The following LRRK1 variants were observed in gnomAD, a reference collection of about 807,000 sequenced individuals.
LRRK1 encodes leucine rich repeat kinase 1, also known as leucine-rich repeat serine/threonine-protein kinase 1.
Under a neutral mutation model 209.1 loss-of-function variants are expected in LRRK1, and 113 were observed. The observed-to-expected ratio is 0.54, with a 90% CI of 0.46 to 0.63. The LOEUF (loss-of-function observed/expected upper bound fraction) is 0.63. Ranked by LOEUF, LRRK1 falls within the 30% of genes least tolerant of loss-of-function variation. The probability of loss-of-function intolerance (pLI) is 0.00; values close to 1 mark genes in which losing one functional copy is unlikely to be tolerated. For synonymous variants in LRRK1, 1,144 were observed against 1,099.7 expected (o/e 1.04, Z -0.80); for missense variants, 2,284 against 2,632.2 (o/e 0.87, Z 2.89).
chr15:101,055,698 C>G (rs752231963), intron 27 of LRRK1, among the ~76,000 whole-genome samples: 1 of 152,192 alleles, frequency 6.6e-6, no homozygotes, highest in Non-Finnish European at 1.5e-5. Flanking sequence ...AAAGAGCAAG[C>G]TGGCATCCCC....
rs547717700 is a variant in LRRK1 at position 101,011,754 on chromosome 15, C to T, written c.1282-254C>T. On this transcript the variant is annotated intron_variant, in intron 9 of 33. Transcript: ENST00000388948. The stretch of plus-strand genomic sequence containing the variant: ...TTCCATTATTTCCAAGGACAATGGG[C>T]CGGATGTTCTGGAATGAAGGAAAAA... Among the ~76,000 whole-genome samples, 4 of 152,154 alleles carry T rather than the reference C, an allele frequency of 2.6e-5. No individual in the cohort carries two copies. In the South Asian group the frequency reaches 6.2e-4, roughly 24 times the overall value.
chr15:100,952,258 CTG>C (rs1298926846), intron 2 of LRRK1, among the ~76,000 whole-genome samples: 1 of 152,162 alleles, frequency 6.6e-6, no homozygotes, highest in Non-Finnish European at 1.5e-5. Flanking sequence ...TTACACAACT[CTG>C]TGAATATATT....
chr15:100,941,683 A>G (rs893328083), intron 2 of LRRK1, among the ~76,000 whole-genome samples: 3 of 152,190 alleles, frequency 2.0e-5, no homozygotes, highest in African/African-American at 7.2e-5. Flanking sequence ...ATTTGTCACA[A>G]TAGCCTGCGA....
chr15:100,956,275 GTA>G (rs2042753900), intron 2 of LRRK1, among the ~76,000 whole-genome samples: 2 of 151,724 alleles, frequency 1.3e-5, no homozygotes, highest in South Asian at 4.2e-4. Context: ...ATTTGTTTGT[GTA>G]TAATTGTTAT....
chr15:100,995,315 G>A (rs1201721337), intron 6 of LRRK1, among the ~76,000 whole-genome samples: 3 of 152,194 alleles, frequency 2.0e-5, no homozygotes, highest in Admixed American at 6.5e-5. Context: ...AGCATAGCCC[G>A]AATCCACCTC....
chr15:100,934,626 CAAAAAAAAAAAA>C (rs71151991), intron 2 of LRRK1, among the ~76,000 whole-genome samples: 7 of 72,384 alleles, frequency 9.7e-5, no homozygotes, highest in Non-Finnish European at 1.3e-4. Context: ...CCCATCTCTA[CAAAAAAAAAAAA>C]AAAAAAAAAA....
rs756106799 is a variant in LRRK1, at chr15:101,066,709, C to G, written c.5838C>G (p.Ala1946=). 1 of 1,614,180 alleles carries G rather than the reference C, an allele frequency of 6.2e-7. No homozygotes were observed. Among genetic ancestry groups the G allele is most frequent in the Non-Finnish European group, 8.5e-7 (1 of 1,180,010 alleles). ...GCGCCCAGCGGGGCCGAGTCATTGC[C>G]GTCTTAAAAGCCCGAGAGCTGACTC... is the stretch of plus-strand genomic sequence containing the variant. ...DSGAQRGRVI[A]VLKARELTPH... The change falls in exon 33 of 34, where the codon GCC becomes GCG. Residue 1946 remains alanine (A), a synonymous_variant. Transcript: ENST00000388948.
Position 101,004,223 on chromosome 15 carries a change from G to A in LRRK1, c.763-4614G>A, listed in dbSNP as rs1453805449. Among the ~76,000 whole-genome samples, 7 of 152,312 alleles carry A rather than the reference G, an allele frequency of 4.6e-5. No individual in the cohort carries two copies. The East Asian group carries it at 5.8e-4, about 13-fold the overall frequency. On this transcript the variant is annotated intron_variant, in intron 6 of 33. Transcript: ENST00000388948. ...ATAGATCAGAGGCTGCTCTGGGTGG[G>A]CAGGGAGAAGCTATGAAAGAGGCAG... is the stretch of plus-strand genomic sequence containing the variant.
Position 100,919,845 on chromosome 15 carries a change from G to A in LRRK1, c.-123+394G>A, listed in dbSNP as rs1185126402. Reference sequence around the variant, plus strand: ...GCCGGGGAGCCCATAGGTTTCCTCTGCCTTTGGAGCGAACCCAGTCCCTTA... The same window carrying A: ...GCCGGGGAGCCCATAGGTTTCCTCTACCTTTGGAGCGAACCCAGTCCCTTA... On this transcript the variant is annotated intron_variant, in intron 1 of 33. Transcript: ENST00000388948. The surrounding 1 kb of genome is among the most constrained non-coding windows in gnomAD (Gnocchi z 5.8). Among the ~76,000 whole-genome samples the A allele has an allele frequency of 6.6e-6, 1 of 152,106 alleles. No homozygotes were observed. Among genetic ancestry groups the A allele is most frequent in the East Asian group, 1.9e-4 (1 of 5,182 alleles).
intron 27 of LRRK1, among the ~76,000 whole-genome samples, chr15:101,055,701 G>C (rs1378211368): frequency 6.6e-6 from 1 of 152,144 alleles, no homozygotes; most frequent in Non-Finnish European, 1.5e-5. Context: ...GAGCAAGCTG[G>C]CATCCCCTGG....
At chr15:101,011,501 C>G (rs1042626885) in intron 9 of LRRK1, among the ~76,000 whole-genome samples, 12 of 148,008 alleles carry the variant, frequency 8.1e-5, no homozygotes, top group Non-Finnish European at 1.6e-4. Context: ...AAGCATCAAT[C>G]TGCACTCGTA....
intron 19 of LRRK1, among the ~76,000 whole-genome samples, chr15:101,028,209 G>A (rs889570710): frequency 3.3e-5 from 5 of 152,232 alleles, no homozygotes; most frequent in African/African-American, 9.6e-5. Context: ...GCTCCTGCGA[G>A]CCTCTGGTCA....
rs935231928 is a variant in LRRK1 at position 101,022,957 on chromosome 15, C to T, written c.2067+360C>T. 2.6e-5 allele frequency among the ~76,000 whole-genome samples: 4 copies of T among 152,010 alleles called. No homozygotes were observed. Among genetic ancestry groups the T allele is most frequent in the East Asian group, 1.9e-4 (1 of 5,198 alleles). On this transcript the variant is annotated intron_variant, in intron 15 of 33. Transcript: ENST00000388948. The surrounding 1 kb of genome is among the most constrained non-coding windows in gnomAD (Gnocchi z 4.0). ...GCTCTGGGACAGTGGTTCTTAACCC[C>T]GGCTGTCTGTTAGATTCCCTTGAGG...
intron 31 of LRRK1, chr15:101,065,070 G>A (rs1241223049): frequency 6.2e-6 from 3 of 482,706 alleles, no homozygotes; most frequent in African/African-American, 3.9e-5. Context: ...CAGCCCATGT[G>A]GTCCAGGTGA....
intron 10 of LRRK1, among the ~76,000 whole-genome samples, chr15:101,013,525 G>A (rs1043312330): frequency 2.0e-5 from 3 of 152,120 alleles, no homozygotes; most frequent in Non-Finnish European, 2.9e-5. Flanking sequence ...AAAATGGGGG[G>A]ACTGCTTGAG....
chr15:101,008,256 G>A (rs1160485203), intron 6 of LRRK1, among the ~76,000 whole-genome samples: 2 of 151,754 alleles, frequency 1.3e-5, no homozygotes, highest in Non-Finnish European at 2.9e-5. Flanking sequence ...GCAGGTCACT[G>A]TGGGTCGTGG....
intron 29 of LRRK1, among the ~76,000 whole-genome samples, chr15:101,058,920 G>A (rs753883228): frequency 2.6e-4 from 39 of 152,208 alleles, no homozygotes; most frequent in Non-Finnish European, 4.4e-4. Flanking sequence ...CATCTGGAGT[G>A]TGACCTTTGG....
At chr15:101,051,084 C>T (rs1019018804) in intron 23 of LRRK1, among the ~76,000 whole-genome samples, 7 of 152,180 alleles carry the variant, frequency 4.6e-5, no homozygotes, top group Non-Finnish European at 8.8e-5. Flanking sequence ...ACACATGGAC[C>T]TGCAGATATC....
intron 10 of LRRK1, among the ~76,000 whole-genome samples, chr15:101,012,586 G>C (rs2033310346): frequency 6.6e-6 from 1 of 152,214 alleles, no homozygotes; most frequent in Non-Finnish European, 1.5e-5. Flanking sequence ...AACCCCAGAA[G>C]GGGCCCCATC....
Sources: gnomAD v4.1 joint callset for allele counts (sites outside exome capture counted in the v4.1 genomes callset) on GRCh38, gnomAD v4.1.1 for gene constraint, Gnocchi (gnomAD v3.1) non-coding constraint, MANE v1.5 for transcripts, NCBI Gene and HGNC (gene_info 2026-07-23, HGNC 2026-07-21) for gene names.